Variants in PRKAG2 observed in about 807,000 individuals in gnomAD.
PRKAG2 encodes 5'-AMP-activated protein kinase subunit gamma-2.
PRKAG2 carries 26 observed loss-of-function variants against 69.6 expected under a neutral mutation model. The observed-to-expected ratio is 0.37, with a 90% CI of 0.27 to 0.52. The LOEUF (loss-of-function observed/expected upper bound fraction) is 0.52. PRKAG2 is among the 20% of genes least tolerant of loss of function. The pLI is 0.90. For missense variants in PRKAG2, 557 were observed against 740.0 expected (o/e 0.75, Z 2.87); for synonymous variants, 293 against 285.0 (o/e 1.03, Z -0.28).
chr7:151,844,397 GAGGACCCATCACATGA>G (rs1474869484), intron 1 of PRKAG2, among the ~76,000 whole-genome samples: 3 of 152,162 alleles, frequency 2.0e-5, no homozygotes, highest in Non-Finnish European at 4.4e-5. Flanking sequence ...AGAGGCGGAA[GAGGACCCATCACATGA>G]AGGGGCTGGT....
chr7:151,778,199 C>A (rs1167823194), intron 3 of PRKAG2, among the ~76,000 whole-genome samples: 1 of 152,142 alleles, frequency 6.6e-6, no homozygotes, highest in African/African-American at 2.4e-5. Context: ...CCCTGCCCAT[C>A]AAATTGTCCA....
chr7:151,632,189 CCGGCCGGCGGGCTCG>C lies in PRKAG2; in HGVS notation c.685-66_685-52del, dbSNP rs775562853. 7.0e-5 allele frequency: 85 copies of C among 1,217,968 alleles called. No homozygotes were observed. Among genetic ancestry groups the C allele is most frequent in the Non-Finnish European group, 8.3e-5 (81 of 971,850 alleles). 75.4% of individuals were successfully genotyped at this position (1,217,968 alleles called of 1,614,324 possible). A position where few individuals can be genotyped will look rare whatever the true frequency, so the allele number is the denominator to read the frequency against. On this transcript the variant is annotated intron_variant, in intron 4 of 15. Transcript: ENST00000287878. This position sits in a 1 kb window ranked among gnomAD's most constrained non-coding sequence, Gnocchi z 4.2. ...TCAGCATGAGCTGCGACGCTCGTCC[CCGGCCGGCGGGCTCG>C]CGGCCGGCCGAGCGCTGGGGCCTGG...
chr7:151,811,990 C>T (rs1413490793), intron 1 of PRKAG2, among the ~76,000 whole-genome samples: 3 of 152,162 alleles, frequency 2.0e-5, no homozygotes, highest in Non-Finnish European at 4.4e-5. Flanking sequence ...AAAGGGAAAT[C>T]TCCCAGGATC....
intron 1 of PRKAG2, among the ~76,000 whole-genome samples, chr7:151,796,224 C>T (rs1003867972): frequency 1.3e-4 from 20 of 151,978 alleles, no homozygotes; most frequent in African/African-American, 3.6e-4. Flanking sequence ...GCTGCATAGA[C>T]GGATGGGTCT....
intron 1 of PRKAG2, among the ~76,000 whole-genome samples, chr7:151,847,153 A>G (rs1027910255): frequency 2.0e-5 from 3 of 152,228 alleles, no homozygotes; most frequent in African/African-American, 7.2e-5. Context: ...CTTTGCAGGA[A>G]GACTGCAGCC....
chr7:151,801,099 A>G (rs1339589984), intron 1 of PRKAG2, among the ~76,000 whole-genome samples: 1 of 152,208 alleles, frequency 6.6e-6, no homozygotes, highest in African/African-American at 2.4e-5. Flanking sequence ...CCATCACGCC[A>G]GGCCTGGACC....
chr7:151,589,666 T>G (rs191022560), intron 6 of PRKAG2, among the ~76,000 whole-genome samples: 1 of 152,360 alleles, frequency 6.6e-6, no homozygotes, highest in Non-Finnish European at 1.5e-5. Flanking sequence ...CCGGGCACGG[T>G]GGCTCACACC....
intron 3 of PRKAG2, among the ~76,000 whole-genome samples, chr7:151,684,871 G>C (rs555007547): frequency 6.6e-6 from 1 of 152,300 alleles, no homozygotes; most frequent in East Asian, 1.9e-4. Context: ...TCCTGAGGGC[G>C]TGGAGGCCAG....
At chr7:151,799,989 A>T (rs1174417396) in intron 1 of PRKAG2, among the ~76,000 whole-genome samples, 2 of 152,214 alleles carry the variant, frequency 1.3e-5, no homozygotes, top group African/African-American at 4.8e-5. Context: ...GTTTAAAAAG[A>T]TAAATTGAAC....
At position 151,814,549 on chromosome 7, in the gene PRKAG2, A is replaced by G. The variant is rs2078581971; in HGVS notation, c.115-28008T>C. ...CAGCTCTGACAAATCCTGCTGCCTC[A>G]CTCGAAAGGTCCATCAGAGAAGGGG... On this transcript the variant is annotated intron_variant, in intron 1 of 15. Transcript: ENST00000287878. This position sits in a 1 kb window ranked among gnomAD's most constrained non-coding sequence, Gnocchi z 4.8. 4.9e-6 allele frequency: 6 copies of G among 1,231,556 alleles called. No homozygotes were observed. Among genetic ancestry groups the G allele is most frequent in the Non-Finnish European group, 6.1e-6 (6 of 987,966 alleles). The allele number at this position is 1,231,556 out of a possible 1,614,324, so 76.3% of individuals were successfully genotyped here.
At chr7:151,764,170 A>G (rs922587037) in intron 3 of PRKAG2, among the ~76,000 whole-genome samples, 5 of 152,210 alleles carry the variant, frequency 3.3e-5, no homozygotes, top group African/African-American at 1.2e-4. Flanking sequence ...TGAAGTCTCT[A>G]GCAAGGGAAT....
At chr7:151,625,642 G>A (rs1585316736) in intron 5 of PRKAG2, among the ~76,000 whole-genome samples, 1 of 152,192 alleles carries the variant, frequency 6.6e-6, no homozygotes, top group African/African-American at 2.4e-5. Context: ...GGAGAGAGGT[G>A]AACAAGCCGG....
At chr7:151,754,276 TC>T (rs2074915784) in intron 3 of PRKAG2, among the ~76,000 whole-genome samples, 1 of 152,166 alleles carries the variant, frequency 6.6e-6, no homozygotes, top group Non-Finnish European at 1.5e-5. Flanking sequence ...GAGGGCGCTG[TC>T]CCCAGGGACC....
chr7:151,763,036 C>G (rs1257633142), intron 3 of PRKAG2, among the ~76,000 whole-genome samples: 1 of 152,220 alleles, frequency 6.6e-6, no homozygotes, highest in Admixed American at 6.5e-5. Context: ...TGTCCCTGCT[C>G]CCTCTACCGG....
At chr7:151,755,862 G>A (rs1164470753) in intron 3 of PRKAG2, among the ~76,000 whole-genome samples, 2 of 152,180 alleles carry the variant, frequency 1.3e-5, no homozygotes, top group South Asian at 4.1e-4. Context: ...TTTCACCCCG[G>A]TGCCTAAAGC....
rs181839504 is a variant in PRKAG2 at position 151,786,522 on chromosome 7, A to T, written c.134T>A (p.Met45Lys). The T allele has an allele frequency of 2.5e-6, 4 of 1,612,950 alleles. No homozygotes were observed. The highest frequency in any genetic ancestry group is 3.4e-6 in the Non-Finnish European group (4 of 1,179,628). Residue 45 changes from methionine (M) to lysine (K), a missense_variant, in exon 2 of 16, where the codon ATG (methionine) becomes AAG (lysine). By Grantham distance (95) the Met-to-Lys change is moderately conservative. This residue lies in a region of PRKAG2 where 352 missense variants were observed against 356.7 expected (regional missense o/e 0.99). Transcript: ENST00000287878. ...CTCCAGGTCTCCGTCCAGGAGCGGC[A>T]TGGCGAAGGAGCTCAGGTCCTAGGG... Reference protein sequence around the residue: ...VHIPDLSSFAMPLLDGDLEGS... With the variant: ...VHIPDLSSFAKPLLDGDLEGS...
At chr7:151,735,606 C>T (rs1182805201) in intron 3 of PRKAG2, among the ~76,000 whole-genome samples, 1 of 152,192 alleles carries the variant, frequency 6.6e-6, no homozygotes, top group Non-Finnish European at 1.5e-5. Context: ...TTCCCCTGAG[C>T]CACAGTTTTT....
chr7:151,599,459 A>C (rs1049525005), intron 5 of PRKAG2, among the ~76,000 whole-genome samples: 1 of 152,184 alleles, frequency 6.6e-6, no homozygotes, highest in African/African-American at 2.4e-5. Context: ...AGATGCAAAT[A>C]TAATCTAATC....
At chr7:151,825,231 C>CTG (rs2078881175) in intron 1 of PRKAG2, among the ~76,000 whole-genome samples, 1 of 152,038 alleles carries the variant, frequency 6.6e-6, no homozygotes, top group Non-Finnish European at 1.5e-5. Context: ...AACAGAAGGT[C>CTG]ATTTGTTGGC....
Sources: gnomAD v4.1 joint callset for allele counts (sites outside exome capture counted in the v4.1 genomes callset) on GRCh38, gnomAD v4.1.1 for gene constraint, gnomAD v4.1.1 regional missense constraint, Gnocchi (gnomAD v3.1) non-coding constraint, MANE v1.5 for transcripts, NCBI Gene and HGNC (gene_info 2026-07-23, HGNC 2026-07-21) for gene names.